The following ADIRF variants were observed in gnomAD, a reference collection of about 807,000 sequenced individuals.
ADIRF encodes the protein adipogenesis regulatory factor.
In ADIRF, 9 loss-of-function variants were observed where a neutral mutation model predicts 7.8. The observed-to-expected ratio is 1.15, with a 90% CI of 0.70 to 2.01. The LOEUF (loss-of-function observed/expected upper bound fraction) is 2.01, where lower values mean the gene tolerates loss of function less well. Among genes scored for constraint, ADIRF ranks in the 30% most tolerant of loss-of-function variants. The pLI, the probability that ADIRF is intolerant of heterozygous loss-of-function variation, is 0.00. For synonymous variants in ADIRF, 48 were observed against 39.9 expected, an observed-to-expected ratio of 1.20 and a Z score of -0.77; for missense variants, 106 against 98.1, an observed-to-expected ratio of 1.08 and a Z score of -0.34.
At chr10:86,969,901 C>A in intron 1 of ADIRF, 3 of 249,122 alleles carry the variant, frequency 1.2e-5, no homozygotes, top group Non-Finnish European at 2.3e-5. Flanking sequence ...CCTGGCCCTG[C>A]CCTGCCTTCC....
rs80085941 is a variant in ADIRF, at chr10:86,969,766, C to G, written c.62-434C>G. On this transcript the variant is annotated intron_variant, in intron 1 of 2. Transcript: ENST00000372013. ...CCTGGCAAAACTGCAAGCCCCAGGGCTAAGTGCATGAAAGGTGGGAATTCA... is the reference window on the plus strand; with the variant it reads ...CCTGGCAAAACTGCAAGCCCCAGGGGTAAGTGCATGAAAGGTGGGAATTCA... 1,257 of 154,472 alleles carry G rather than the reference C, an allele frequency of 8.1e-3. 17 individuals carry two copies. Among genetic ancestry groups the G allele is most frequent in the African/African-American group, 0.028 (1,185 of 41,664 alleles). The allele number at this position is 154,472 out of a possible 1,614,324, so 9.6% of individuals were successfully genotyped here. A position where few individuals can be genotyped will look rare whatever the true frequency, so the allele number is the denominator to read the frequency against.
chr10:86,968,664 G>T (rs1158458567), intron 1 of ADIRF, 59 bp downstream of exon 1: 2 of 1,574,918 alleles, frequency 1.3e-6, no homozygotes, highest in Non-Finnish European at 1.7e-6. Context: ...TGCGCAGGCA[G>T]AAGCAGCGGG....
At chr10:86,970,392 C>T in intron 2 of ADIRF, 84 bp from the exon 3 acceptor site, 7 of 1,511,402 alleles carry the variant, frequency 4.6e-6, no homozygotes, top group East Asian at 2.4e-5. Flanking sequence ...GCAGGTCCCC[C>T]GGGAGACCCA....
rs1844582654 is a variant in ADIRF, at chr10:86,970,681, G to T, written c.*99G>T. ...CTAGCACAGCCTGGCCCTGATCTCC[G>T]GGCAGCCACCACCTCCTCGGTCTGC... is the stretch of plus-strand genomic sequence containing the variant. On this transcript the variant is annotated 3_prime_UTR_variant, in exon 3 of 3. Transcript: ENST00000372013. The T allele has an allele frequency of 1.9e-6, 2 of 1,029,184 alleles. No individual in the cohort carries two copies. The highest frequency in any genetic ancestry group is 3.0e-6 in the Non-Finnish European group (2 of 671,350). 63.8% of individuals were successfully genotyped at this position (1,029,184 alleles called of 1,614,324 possible).
At chr10:86,968,654 T>C (rs1339165071) in intron 1 of ADIRF, 49 bp downstream of exon 1, 7 of 1,586,608 alleles carry the variant, frequency 4.4e-6, no homozygotes, top group Non-Finnish European at 6.0e-6. Flanking sequence ...CCTGCGTGGA[T>C]GCGCAGGCAG....
At chr10:86,970,408 G>A (rs769417111) in intron 2 of ADIRF, 68 bp from the exon 3 acceptor site, 277 of 1,531,318 alleles carry the variant, frequency 1.8e-4, no homozygotes, top group Admixed American at 3.2e-4. Flanking sequence ...ACCCAGGCCA[G>A]GCTAAGCCTA....
chr10:86,970,808 G>C lies in ADIRF; in HGVS notation c.*226G>C, dbSNP rs534224547. ...CAAGAGCAGAGCCACCGTAGCCGGAGTCCTAGCCTCCCAAATTCGGAAATC... is the reference window on the plus strand; with the variant it reads ...CAAGAGCAGAGCCACCGTAGCCGGACTCCTAGCCTCCCAAATTCGGAAATC... On this transcript the variant is annotated 3_prime_UTR_variant, in exon 3 of 3. Coordinates refer to ENST00000372013, the MANE Select transcript of ADIRF (RefSeq NM_006829.3). The C allele has an allele frequency of 1.6e-6, 1 of 619,024 alleles. No homozygotes were observed. Among genetic ancestry groups the C allele is most frequent in the African/African-American group, 1.8e-5 (1 of 55,538 alleles). 38.3% of individuals were successfully genotyped at this position (619,024 alleles called of 1,614,324 possible).
chr10:86,968,682 G>A (rs1217862209), intron 1 of ADIRF, 77 bp downstream of exon 1: 1 of 1,524,388 alleles, frequency 6.6e-7, no homozygotes, highest in East Asian at 2.5e-5. Context: ...GGGTCGGCGC[G>A]GTCCGCAAGT....
chr10:86,969,541 C>G (rs923508584), intron 1 of ADIRF: 2 of 151,148 alleles, frequency 1.3e-5, no homozygotes, highest in African/African-American at 4.9e-5. Flanking sequence ...TAGGCGGGAG[C>G]CACCTGTCAG....
intron 1 of ADIRF, chr10:86,968,930 G>A (rs544202260): frequency 8.0e-5 from 25 of 312,880 alleles, no homozygotes; most frequent in Admixed American, 5.9e-4. Context: ...GACAGGGATC[G>A]GGCGCGGCCC....
intron 1 of ADIRF, chr10:86,969,984 CAG>C (rs1158119138): frequency 2.6e-6 from 1 of 380,200 alleles, no homozygotes; most frequent in Non-Finnish European, 4.7e-6. Context: ...AGAAGGAGCT[CAG>C]AGTTAGAAAT....
intron 2 of ADIRF, 97 bp downstream of exon 2, chr10:86,970,359 G>A: frequency 1.3e-6 from 2 of 1,506,540 alleles, no homozygotes; most frequent in Non-Finnish European, 1.8e-6. Context: ...CCTCTGCAGA[G>A]CCCTCTGTCC....
rs2133706399 is a variant in ADIRF at position 86,968,558 on chromosome 10, G to A, written c.14G>A (p.Gly5Asp). The stretch of plus-strand genomic sequence containing the variant: ...TACCCCGAAGCCATGGCAAGCAAGG[G>A]CTTGCAGGACCTGAAGCAACAGGTG... MASK[G>D]LQDLKQQVEG... The change falls in exon 1 of 3, where the codon GGC becomes GAC. Residue 5 changes from glycine to aspartate, a missense_variant. Transcript: ENST00000372013. 1 of 1,613,668 alleles carries A rather than the reference G, an allele frequency of 6.2e-7. No individual in the cohort carries two copies. The highest frequency in any genetic ancestry group is 8.5e-7 in the Non-Finnish European group (1 of 1,179,846).
rs1442192576 is a variant in ADIRF at position 86,968,587 on chromosome 10, G to A, written c.43G>A (p.Gly15Arg). ...GLQDLKQQVE[G>R]TAQEAVSAAG... ...GCAGGACCTGAAGCAACAGGTGGAG[G>A]GGACCGCCCAGGAAGCCGGTGAGGA... The change falls in exon 1 of 3, where the codon GGG becomes AGG. Residue 15 changes from glycine to arginine, a missense_variant. Transcript: ENST00000372013. The A allele has an allele frequency of 1.2e-6, 2 of 1,613,408 alleles. No homozygotes were observed. Among genetic ancestry groups the A allele is most frequent in the Middle Eastern group, 1.7e-4 (1 of 6,060 alleles).
Position 86,970,714 on chromosome 10 carries a change from T to C in ADIRF, c.*132T>C. The C allele has an allele frequency of 1.3e-6, 1 of 794,266 alleles. No homozygotes were observed. Among genetic ancestry groups the C allele is most frequent in the Non-Finnish European group, 2.2e-6 (1 of 461,618 alleles). 49.2% of individuals were successfully genotyped at this position (794,266 alleles called of 1,614,324 possible). A position where few individuals can be genotyped will look rare whatever the true frequency, so the allele number is the denominator to read the frequency against. The stretch of plus-strand genomic sequence containing the variant: ...ACCACCTCCTCGGTCTGCCCCCTCA[T>C]TAAAATTCACGTTCCCACCCTGTGT... On this transcript the variant is annotated 3_prime_UTR_variant, in exon 3 of 3. Coordinates refer to ENST00000372013, the MANE Select transcript of ADIRF (RefSeq NM_006829.3).
At chr10:86,969,914 CCT>C (rs1232259189) in intron 1 of ADIRF, 4 of 275,694 alleles carry the variant, frequency 1.5e-5, no homozygotes, top group Admixed American at 5.1e-5. Flanking sequence ...TGCCTTCCTT[CCT>C]CTGTCCAACA....
intron 1 of ADIRF, 93 bp downstream of exon 1, chr10:86,968,698 G>A: frequency 2.1e-6 from 3 of 1,450,282 alleles, no homozygotes; most frequent in East Asian, 2.5e-5. Context: ...CAAGTTCCTG[G>A]ACCGGCAGCT....
intron 1 of ADIRF, 28 bp from the exon 2 acceptor site, chr10:86,970,172 G>A (rs1844556861): frequency 2.8e-6 from 4 of 1,434,250 alleles, no homozygotes; most frequent in Middle Eastern, 2.3e-4. Context: ...CCTCAACAGG[G>A]GCTAAAAGCC....
Position 86,970,457 on chromosome 10 carries a change from C to T in ADIRF, c.125-19C>T. ...TCCCGGGCCCTGCCTGACCTGCCCT[C>T]TCTCCCGCCCTTCCCCAGCCATGGA... On this transcript the variant is annotated intron_variant, in intron 2 of 2. Coordinates refer to ENST00000372013, the MANE Select transcript of ADIRF (RefSeq NM_006829.3). The T allele has an allele frequency of 6.2e-7, 1 of 1,605,278 alleles. No homozygotes were observed. The highest frequency in any genetic ancestry group is 8.5e-7 in the Non-Finnish European group (1 of 1,174,590).
Sources: gnomAD v4.1 joint callset for allele counts on GRCh38, gnomAD v4.1.1 for gene constraint, MANE v1.5 for transcripts, NCBI Gene and HGNC (gene_info 2026-07-23, HGNC 2026-07-21) for gene names.